CHSY1: variants seen among roughly 807,000 people sequenced by gnomAD.
The protein encoded by CHSY1 is chondroitin sulfate synthase 1.
In CHSY1, 13 loss-of-function variants were observed where a neutral mutation model predicts 59.8. That is an observed-to-expected ratio of 0.22 (90% confidence interval 0.14 to 0.35). CHSY1 has a LOEUF of 0.35. Ranked by LOEUF, CHSY1 falls within the 10% of genes least tolerant of loss-of-function variation. The pLI is 1.00. For missense variants in CHSY1, 947 were observed against 1,030.6 expected (o/e 0.92, Z 1.11); for synonymous variants, 459 against 401.2 (o/e 1.14, Z -1.72).
chr15:101,251,946 C>A lies in CHSY1; in HGVS notation c.-490G>T, dbSNP rs1490017320. 6.6e-6 allele frequency: 1 copy of A among 151,324 alleles called. No homozygotes were observed. The highest frequency in any genetic ancestry group is 1.5e-5 in the Non-Finnish European group (1 of 67,862). The allele number at this position is 151,324 out of a possible 1,614,324, so 9.4% of individuals were successfully genotyped here. On this transcript the variant is annotated 5_prime_UTR_variant, in exon 1 of 3. Transcript: ENST00000254190. ...GCTTAGCTCGCCATTGCAACAGGAG[C>A]CCCTCACGTCACGCACGGCGCGTTA...
intron 2 of CHSY1, among the ~76,000 whole-genome samples, chr15:101,230,980 C>T (rs765088004): frequency 1.3e-5 from 2 of 152,178 alleles, no homozygotes; most frequent in Non-Finnish European, 2.9e-5. Context: ...TAACTCAGAG[C>T]TTCATAACTG....
chr15:101,235,275 C>T lies in CHSY1; in HGVS notation c.623G>A (p.Gly208Glu). The T allele has an allele frequency of 6.2e-7, 1 of 1,614,186 alleles. No individual in the cohort carries two copies. The highest frequency in any genetic ancestry group is 8.5e-7 in the Non-Finnish European group (1 of 1,180,036). Residue 208 changes from glycine to glutamate, a missense_variant, in exon 2 of 3, where the codon GGA becomes GAA. By Grantham distance (98) the Gly-to-Glu change is moderately conservative. Coordinates refer to ENST00000254190, the MANE Select transcript of CHSY1 (RefSeq NM_014918.5). ...CTCACCAGGCTCCAGGGCCAGTTTT[C>T]CCATTTCTTCCGTGGTGCCCAGGCC... is the stretch of plus-strand genomic sequence containing the variant. ...QTGLGTTEEM[G>E]KLALEPGENF...
chr15:101,177,306 G>T lies in CHSY1; in HGVS notation c.*82C>A, dbSNP rs1310040739. The T allele has an allele frequency of 7.5e-7, 1 of 1,328,372 alleles. No homozygotes were observed. Among genetic ancestry groups the T allele is most frequent in the African/African-American group, 1.5e-5 (1 of 66,912 alleles). The allele number at this position is 1,328,372 out of a possible 1,614,324, so 82.3% of individuals were successfully genotyped here. ...ACTTGTAAAATATATCCTTGTATACGGACTTCAAAAACTGATCATACAAAA... is the reference window on the plus strand; with the variant it reads ...ACTTGTAAAATATATCCTTGTATACTGACTTCAAAAACTGATCATACAAAA... On this transcript the variant is annotated 3_prime_UTR_variant, in exon 3 of 3. Coordinates refer to ENST00000254190, the MANE Select transcript of CHSY1 (RefSeq NM_014918.5).
chr15:101,231,121 C>A (rs1315911611), intron 2 of CHSY1, among the ~76,000 whole-genome samples: 3 of 152,166 alleles, frequency 2.0e-5, no homozygotes, highest in African/African-American at 4.8e-5. Context: ...GGGGTAACAG[C>A]AGCCCTTGGA....
intron 2 of CHSY1, among the ~76,000 whole-genome samples, chr15:101,182,373 A>T (rs2038292042): frequency 6.6e-6 from 1 of 152,200 alleles, no homozygotes; most frequent in South Asian, 2.1e-4. Context: ...TCAAGCCTAC[A>T]TTTGCACCAG....
intron 2 of CHSY1, among the ~76,000 whole-genome samples, chr15:101,215,026 C>T (rs972790822): frequency 2.4e-4 from 36 of 152,226 alleles, no homozygotes; most frequent in African/African-American, 8.0e-4. Flanking sequence ...CTTGCTTCTG[C>T]TCCCACTATG....
In CHSY1 at chr15:101,186,038, G is replaced by T. The variant is rs1027057269; in HGVS notation, c.817-7058C>A. On this transcript the variant is annotated intron_variant, in intron 2 of 2. Coordinates refer to ENST00000254190, the MANE Select transcript of CHSY1 (RefSeq NM_014918.5). Reference sequence around the variant, plus strand: ...TTCCTGCATTCAACAGGAAATTGTTGAAGTCCCTGACCCTTAAGTAGTATA... The same window carrying T: ...TTCCTGCATTCAACAGGAAATTGTTTAAGTCCCTGACCCTTAAGTAGTATA... 4.6e-5 allele frequency among the ~76,000 whole-genome samples: 7 copies of T among 150,654 alleles called. No homozygotes were observed. The South Asian group carries it at 1.0e-3, about 23-fold the overall frequency.
intron 2 of CHSY1, among the ~76,000 whole-genome samples, chr15:101,181,638 G>C (rs1487556292): frequency 6.6e-6 from 1 of 152,222 alleles, no homozygotes; most frequent in Non-Finnish European, 1.5e-5. Context: ...TCTGCTTGCA[G>C]AATTCTGTTC....
chr15:101,230,271 T>C lies in CHSY1; in HGVS notation c.816+4811A>G, dbSNP rs146236688. On this transcript the variant is annotated intron_variant, in intron 2 of 2. Transcript: ENST00000254190. ...TAATGGATAGAACATGCAGCATTAG[T>C]GCTCACTCTTTGGGACATCTAGCCA... Among the ~76,000 whole-genome samples, 254 of 152,276 alleles carry C rather than the reference T, an allele frequency of 1.7e-3. 4 individuals are homozygous for C. The East Asian group carries it at 0.044, about 26-fold the overall frequency.
chr15:101,218,384 G>A (rs181816836), intron 2 of CHSY1, among the ~76,000 whole-genome samples: 1 of 152,144 alleles, frequency 6.6e-6, no homozygotes, highest in Non-Finnish European at 1.5e-5. Flanking sequence ...ATCTCCTGAG[G>A]TCAGGAGTTT....
chr15:101,187,683 C>T (rs2038388393), intron 2 of CHSY1: 1 of 152,216 alleles, frequency 6.6e-6, no homozygotes, highest in Non-Finnish European at 1.5e-5. Context: ...ACTTAATACT[C>T]ACAAGAGTAT....
intron 2 of CHSY1, 93 bp downstream of exon 2, chr15:101,234,989 G>C: frequency 6.6e-7 from 1 of 1,507,098 alleles, no homozygotes; most frequent in Non-Finnish European, 9.1e-7. Flanking sequence ...CCCTCAAAGA[G>C]GATATCATCT....
chr15:101,233,698 G>A (rs1205827573), intron 2 of CHSY1, among the ~76,000 whole-genome samples: 1 of 152,100 alleles, frequency 6.6e-6, no homozygotes, highest in Non-Finnish European at 1.5e-5. Context: ...ATCACATTTA[G>A]GATTTAAAAT....
At position 101,177,329 on chromosome 15, in the gene CHSY1, A is replaced by C. The variant is rs1454403085; in HGVS notation, c.*59T>G. 5.6e-5 allele frequency: 87 copies of C among 1,554,834 alleles called. No individual in the cohort carries two copies. Among genetic ancestry groups the C allele is most frequent in the Admixed American group, 1.4e-4 (7 of 50,616 alleles). On this transcript the variant is annotated 3_prime_UTR_variant, in exon 3 of 3. Transcript: ENST00000254190. ...ACGGACTTCAAAAACTGATCATACAAAAAATTTTTGAAAAATAAATTAGAT... is the reference window on the plus strand; with the variant it reads ...ACGGACTTCAAAAACTGATCATACACAAAATTTTTGAAAAATAAATTAGAT...
intron 2 of CHSY1, among the ~76,000 whole-genome samples, chr15:101,194,334 CTGTT>C (rs551486191): frequency 1.0e-3 from 155 of 152,348 alleles, no homozygotes; most frequent in African/African-American, 3.6e-3. Context: ...CTTTCTTAGC[CTGTT>C]TGTGTGTCCA....
chr15:101,236,703 T>C (rs1026888793), intron 1 of CHSY1, among the ~76,000 whole-genome samples: 2 of 151,968 alleles, frequency 1.3e-5, no homozygotes, highest in Admixed American at 6.5e-5. Context: ...CGGGCGCCTG[T>C]AGTCCCAGCT....
At chr15:101,179,578 C>G (rs973326070) in intron 2 of CHSY1, among the ~76,000 whole-genome samples, 1 of 152,306 alleles carries the variant, frequency 6.6e-6, no homozygotes, top group East Asian at 1.9e-4. Context: ...CAAAAGCACA[C>G]GCTGAAAACC....
At chr15:101,183,002 CA>C (rs1421927597) in intron 2 of CHSY1, among the ~76,000 whole-genome samples, 1 of 151,782 alleles carries the variant, frequency 6.6e-6, no homozygotes, top group East Asian at 1.9e-4. Context: ...ACAATATAGT[CA>C]AAGGGAAGAC....
chr15:101,224,031 T>C (rs1009955033), intron 2 of CHSY1, among the ~76,000 whole-genome samples: 11 of 152,268 alleles, frequency 7.2e-5, no homozygotes, highest in African/African-American at 2.4e-4. Context: ...TACCATTGTC[T>C]TACAGTTGCC....
Sources: allele counts gnomAD v4.1 joint callset (sites outside exome capture counted in the v4.1 genomes callset), GRCh38; gene constraint gnomAD v4.1.1; transcripts MANE v1.5; gene names NCBI Gene and HGNC (gene_info 2026-07-23, HGNC 2026-07-21).